The following SHISAL1 variants were observed in gnomAD, a reference collection of about 807,000 sequenced individuals.
SHISAL1 encodes the protein protein shisa-like-1.
Under a neutral mutation model 22.6 loss-of-function variants are expected in SHISAL1, and 9 were observed. The observed-to-expected ratio is 0.40, with a 90% CI of 0.24 to 0.70. The LOEUF is 0.70. SHISAL1 is among the 30% of genes least tolerant of loss of function. The pLI is 0.39. For missense variants in SHISAL1, 246 were observed against 270.6 expected, an observed-to-expected ratio of 0.91 and a Z score of 0.64; for synonymous variants, 119 against 115.4, an observed-to-expected ratio of 1.03 and a Z score of -0.20.
At chr22:44,288,932 G>A (rs754268266) in intron 3 of SHISAL1, among the ~76,000 whole-genome samples, 8 of 152,210 alleles carry the variant, frequency 5.3e-5, no homozygotes, top group Admixed American at 1.3e-4. Flanking sequence ...CCCTGAAGGC[G>A]GGGTTGGGGT....
At chr22:44,251,893 C>A (rs2055050033) in intron 4 of SHISAL1, among the ~76,000 whole-genome samples, 1 of 152,228 alleles carries the variant, frequency 6.6e-6, no homozygotes, top group African/African-American at 2.4e-5. Context: ...CTTATTGCCC[C>A]TGAACCGTAT....
intron 3 of SHISAL1, among the ~76,000 whole-genome samples, chr22:44,287,277 G>A (rs2147292190): frequency 6.6e-6 from 1 of 152,310 alleles, no homozygotes; most frequent in Non-Finnish European, 1.5e-5. Flanking sequence ...TAGGAAGATG[G>A]GGGCTGCTTC....
intron 4 of SHISAL1, among the ~76,000 whole-genome samples, chr22:44,278,246 C>G (rs1031168745): frequency 1.3e-5 from 2 of 152,206 alleles, no homozygotes; most frequent in Non-Finnish European, 1.5e-5. Context: ...ATGCTTCCTG[C>G]CCTTGAACAT....
chr22:44,313,434 C>T (rs1198142728), upstream of SHISAL1, among the ~76,000 whole-genome samples: 2 of 152,206 alleles, frequency 1.3e-5, no homozygotes, highest in Non-Finnish European at 2.9e-5. Context: ...GGGTGTGTGG[C>T]ACCTGCCTGA....
chr22:44,267,020 C>G (rs2055168928), intron 4 of SHISAL1, among the ~76,000 whole-genome samples: 1 of 152,170 alleles, frequency 6.6e-6, no homozygotes, highest in African/African-American at 2.4e-5. Context: ...CCAGCGGCTT[C>G]TGGCAGACAG....
chr22:44,281,505 G>A (rs2055276715), intron 4 of SHISAL1, among the ~76,000 whole-genome samples: 2 of 152,108 alleles, frequency 1.3e-5, no homozygotes, highest in African/African-American at 2.4e-5. Context: ...AACTGAGTGT[G>A]CAACTGTGCA....
At chr22:44,329,788 G>A in the SHISAL1 span, among the ~76,000 whole-genome samples, 8 of 152,178 alleles carry the variant, frequency 5.3e-5, no homozygotes, top group African/African-American at 1.4e-4. Flanking sequence ...AACCGTGACC[G>A]GCATGGAGAT....
intron 1 of SHISAL1, among the ~76,000 whole-genome samples, chr22:44,302,640 TGCG>T (rs774220101): frequency 6.8e-6 from 1 of 147,136 alleles, no homozygotes; most frequent in African/African-American, 2.6e-5. Flanking sequence ...CTGGGGTGGG[TGCG>T]GTGAGGAGGC....
In SHISAL1 at chr22:44,310,266, G is replaced by T. The variant is rs2055509214; in HGVS notation, c.-33+2485C>A. Among the ~76,000 whole-genome samples, 1 of 152,216 alleles carries T rather than the reference G, an allele frequency of 6.6e-6. No homozygotes were observed. The highest frequency in any genetic ancestry group is 2.1e-4 in the South Asian group (1 of 4,836). On this transcript the variant is annotated intron_variant, in intron 1 of 4. Coordinates refer to ENST00000381176, the MANE Select transcript of SHISAL1 (RefSeq NM_001099294.2). This position sits in a 1 kb window ranked among gnomAD's most constrained non-coding sequence, Gnocchi z 4.0. ...CGTAGTAGGCACTTTATAAACATGTGTTAATTGGTTGAATGAACATAAGCA... is the reference window on the plus strand; with the variant it reads ...CGTAGTAGGCACTTTATAAACATGTTTTAATTGGTTGAATGAACATAAGCA...
At chr22:44,264,295 C>T (rs1268731980) in intron 4 of SHISAL1, among the ~76,000 whole-genome samples, 1 of 152,220 alleles carries the variant, frequency 6.6e-6, no homozygotes, top group Non-Finnish European at 1.5e-5. Context: ...CCATGCTGCC[C>T]AGGGAGGAGC....
At chr22:44,307,306 C>T (rs2055486290) in intron 1 of SHISAL1, among the ~76,000 whole-genome samples, 1 of 152,128 alleles carries the variant, frequency 6.6e-6, no homozygotes, top group African/African-American at 2.4e-5. Flanking sequence ...CAGGTGACCC[C>T]CATGTCAGCC....
At chr22:44,273,017 A>G (rs569225535) in intron 4 of SHISAL1, among the ~76,000 whole-genome samples, 43 of 149,822 alleles carry the variant, frequency 2.9e-4, no homozygotes, top group African/African-American at 1.1e-3. Flanking sequence ...AATCGCTTGA[A>G]CCCCAGAGGC....
rs975735589 is a variant in SHISAL1 at position 44,246,481 on chromosome 22, T to C, written c.*3204A>G. 1 of 152,156 alleles carries C rather than the reference T, an allele frequency of 6.6e-6. No homozygotes were observed. Among genetic ancestry groups the C allele is most frequent in the African/African-American group, 2.4e-5 (1 of 41,426 alleles). 9.4% of individuals were successfully genotyped at this position (152,156 alleles called of 1,614,324 possible). A position where few individuals can be genotyped will look rare whatever the true frequency, so the allele number is the denominator to read the frequency against. ...GGTTGAGTTGCTAAAAAACAGTAAC[T>C]CTAGCTATGCTTGAACTCGTCACTA... is the stretch of plus-strand genomic sequence containing the variant. On this transcript the variant is annotated 3_prime_UTR_variant, in exon 5 of 5. Coordinates refer to ENST00000381176, the MANE Select transcript of SHISAL1 (RefSeq NM_001099294.2).
chr22:44,258,795 T>C (rs2055101749), intron 4 of SHISAL1, among the ~76,000 whole-genome samples: 1 of 152,162 alleles, frequency 6.6e-6, no homozygotes, highest in Non-Finnish European at 1.5e-5. Context: ...ATACTATACA[T>C]GAAAAGTGAA....
intron 4 of SHISAL1, among the ~76,000 whole-genome samples, chr22:44,263,227 C>T (rs1019960991): frequency 1.1e-4 from 16 of 152,016 alleles, no homozygotes; most frequent in African/African-American, 2.9e-4. Context: ...CCCACCACCA[C>T]GCCCAGTTAG....
intron 1 of SHISAL1, among the ~76,000 whole-genome samples, chr22:44,309,400 C>A (rs1333650589): frequency 1.3e-5 from 2 of 152,146 alleles, no homozygotes; most frequent in Non-Finnish European, 2.9e-5. Flanking sequence ...GGGTAGGCAG[C>A]GGCCCAGCAG....
intron 4 of SHISAL1, among the ~76,000 whole-genome samples, chr22:44,262,521 A>G (rs907514430): frequency 6.6e-6 from 1 of 152,222 alleles, no homozygotes; most frequent in African/African-American, 2.4e-5. Context: ...CAGCAGCCTC[A>G]GGGGTGGGGA....
At chr22:44,276,417 C>A (rs2055239953) in intron 4 of SHISAL1, among the ~76,000 whole-genome samples, 1 of 152,114 alleles carries the variant, frequency 6.6e-6, no homozygotes. Context: ...GTGAAGGAGG[C>A]CATCGGCGGG....
intron 4 of SHISAL1, among the ~76,000 whole-genome samples, chr22:44,271,040 G>A (rs1193428318): frequency 1.3e-5 from 2 of 152,208 alleles, no homozygotes; most frequent in South Asian, 2.1e-4. Context: ...CAAGAAAAGA[G>A]GATAGATTTT....
Sources: gnomAD v4.1 joint callset for allele counts (sites outside exome capture counted in the v4.1 genomes callset) on GRCh38, gnomAD v4.1.1 for gene constraint, Gnocchi (gnomAD v3.1) non-coding constraint, MANE v1.5 for transcripts, NCBI Gene and HGNC (gene_info 2026-07-23, HGNC 2026-07-21) for gene names.